The following MAPK10 variants were observed in gnomAD, a reference collection of about 807,000 sequenced individuals.
MAPK10 encodes the protein mitogen-activated protein kinase 10.
MAPK10 carries 25 observed loss-of-function variants against 59.3 expected under a neutral mutation model. That is an observed-to-expected ratio of 0.42 (90% confidence interval 0.31 to 0.59). The LOEUF is 0.59. Ranked by LOEUF, MAPK10 falls within the 20% of genes least tolerant of loss-of-function variation. MAPK10 has a pLI of 0.15. For missense variants in MAPK10, 351 were observed against 568.9 expected, an observed-to-expected ratio of 0.62 and a Z score of 3.90; for synonymous variants, 190 against 200.5, an observed-to-expected ratio of 0.95 and a Z score of 0.44.
chr4:86,474,998 A>G (rs574660621), intron 1 of MAPK10, among the ~76,000 whole-genome samples: 25 of 152,268 alleles, frequency 1.6e-4, no homozygotes, highest in African/African-American at 6.0e-4. Context: ...TCCTGGCTCA[A>G]AAAGCTCCCC....
intron 1 of MAPK10, among the ~76,000 whole-genome samples, chr4:86,452,742 C>T (rs1750870267): frequency 6.6e-6 from 1 of 152,136 alleles, no homozygotes; most frequent in Non-Finnish European, 1.5e-5. Context: ...AAGGAGAGAT[C>T]ATGGCGGACG....
In MAPK10 at chr4:86,503,592, A is replaced by C. The variant is rs561633325; in HGVS notation, c.-263+90318T>G. The stretch of plus-strand genomic sequence containing the variant: ...TCCATCCTCATCTTATTCAACCAAT[A>C]AGAAGCATTTGAGAATTAATCTGTA... On this transcript the variant is annotated intron_variant, in intron 1 of 4. Transcript: ENST00000502302. Among the ~76,000 whole-genome samples, 146 of 152,250 alleles carry C rather than the reference A, an allele frequency of 9.6e-4. 9 individuals are homozygous for C. In the South Asian group the frequency reaches 0.029, roughly 30 times the overall value.
chr4:86,481,857 T>C (rs1415026113), intron 1 of MAPK10, among the ~76,000 whole-genome samples: 1 of 152,200 alleles, frequency 6.6e-6, no homozygotes, highest in Non-Finnish European at 1.5e-5. Context: ...TCTATTTAAC[T>C]CTGGACTGCT....
rs183325032 is a variant in MAPK10 at position 86,133,241 on chromosome 4, T to A, written c.237-25889A>T. ...AAAATCATCTTCATGTGGAGACATA[T>A]TAAAAGAGTATGCAGCCAAAAGTAT... On this transcript the variant is annotated intron_variant, in intron 4 of 13. Coordinates refer to ENST00000641462, the MANE Select transcript of MAPK10 (RefSeq NM_138982.4). 2.2e-3 allele frequency among the ~76,000 whole-genome samples: 325 copies of A among 150,768 alleles called. 3 individuals carry two copies. Among genetic ancestry groups the A allele is most frequent in the African/African-American group, 7.5e-3 (301 of 40,070 alleles).
chr4:86,187,865 C>T (rs1256248896), intron 3 of MAPK10, among the ~76,000 whole-genome samples: 1 of 152,084 alleles, frequency 6.6e-6, no homozygotes, highest in Non-Finnish European at 1.5e-5. Flanking sequence ...GTTTGCTGCA[C>T]CCATCAATCT....
intron 9 of MAPK10, among the ~76,000 whole-genome samples, chr4:86,095,905 AAAAAGGAAACATTTTTTCT>A (rs1312520712): frequency 6.6e-6 from 1 of 151,888 alleles, no homozygotes; most frequent in Non-Finnish European, 1.5e-5. Context: ...AAACATTTTC[AAAAAGGAAACATTTTTTCT>A]AACCTATTTC....
chr4:86,171,319 G>A (rs1343230786), intron 3 of MAPK10, among the ~76,000 whole-genome samples: 1 of 152,126 alleles, frequency 6.6e-6, no homozygotes, highest in Non-Finnish European at 1.5e-5. Flanking sequence ...AAAATTGATA[G>A]ACTGCTAGCA....
intron 2 of MAPK10, among the ~76,000 whole-genome samples, chr4:86,231,625 T>C (rs2091556933): frequency 6.6e-6 from 1 of 151,548 alleles, no homozygotes; most frequent in African/African-American, 2.4e-5. Flanking sequence ...ATTGCGCCAC[T>C]GCACTCCAAC....
chr4:86,234,758 T>C (rs1276309756), intron 2 of MAPK10, among the ~76,000 whole-genome samples: 1 of 152,110 alleles, frequency 6.6e-6, no homozygotes, highest in East Asian at 1.9e-4. Flanking sequence ...GTTCTCAAAG[T>C]TTATAATAGT....
At chr4:86,055,454 C>T (rs1210962716) in intron 11 of MAPK10, among the ~76,000 whole-genome samples, 2 of 149,594 alleles carry the variant, frequency 1.3e-5, no homozygotes, top group Non-Finnish European at 3.0e-5. Flanking sequence ...AATTGATGTG[C>T]TTTATCAAGT....
intron 9 of MAPK10, among the ~76,000 whole-genome samples, chr4:86,077,845 G>A (rs2149023757): frequency 6.6e-6 from 1 of 152,274 alleles, no homozygotes; most frequent in East Asian, 1.9e-4. Context: ...CCAAACAGCT[G>A]TTTAGGCACA....
intron 2 of MAPK10, among the ~76,000 whole-genome samples, chr4:86,259,410 T>C (rs1054075528): frequency 3.3e-5 from 5 of 152,094 alleles, no homozygotes; most frequent in African/African-American, 7.2e-5. Context: ...ACTCACATGA[T>C]TGTAACCTAG....
At chr4:86,070,894 T>C (rs563068685) in intron 9 of MAPK10, among the ~76,000 whole-genome samples, 1 of 152,278 alleles carries the variant, frequency 6.6e-6, no homozygotes, top group African/African-American at 2.4e-5. Flanking sequence ...TATAGTCATT[T>C]GGGTATATAC....
intron 2 of MAPK10, among the ~76,000 whole-genome samples, chr4:86,272,281 C>T (rs964449045): frequency 2.6e-5 from 4 of 151,998 alleles, no homozygotes; most frequent in Non-Finnish European, 5.9e-5. Context: ...TGTGGCTTGC[C>T]TTTGCATCTT....
chr4:86,216,284 T>TAC (rs1192313352), intron 2 of MAPK10, among the ~76,000 whole-genome samples: 1 of 131,466 alleles, frequency 7.6e-6, no homozygotes, highest in Non-Finnish European at 1.6e-5. Context: ...CACACACACA[T>TAC]ATATATATAG....
At chr4:86,576,402 A>T (rs1209192492) in intron 1 of MAPK10, among the ~76,000 whole-genome samples, 1 of 152,162 alleles carries the variant, frequency 6.6e-6, no homozygotes, top group African/African-American at 2.4e-5. Flanking sequence ...TGGCAGGTAG[A>T]GTAGTTAATA....
intron 1 of MAPK10, among the ~76,000 whole-genome samples, chr4:86,421,696 GAATGGCT>G (rs1289695001): frequency 6.6e-6 from 1 of 152,194 alleles, no homozygotes; most frequent in African/African-American, 2.4e-5. Context: ...CGCTGGAGCA[GAATGGCT>G]GTGGGCAGAT....
At chr4:86,044,286 G>A (rs1006629660) in intron 11 of MAPK10, among the ~76,000 whole-genome samples, 7 of 152,006 alleles carry the variant, frequency 4.6e-5, no homozygotes, top group Admixed American at 3.3e-4. Context: ...GTTCAGCTAC[G>A]GCTGCACATT....
intron 1 of MAPK10, among the ~76,000 whole-genome samples, chr4:86,546,337 T>G (rs1267028976): frequency 4.0e-5 from 6 of 150,728 alleles, no homozygotes; most frequent in African/African-American, 1.2e-4. Flanking sequence ...CACCTGAGGT[T>G]AGGAGTTCGA....
Sources: allele counts gnomAD v4.1 joint callset (sites outside exome capture counted in the v4.1 genomes callset), GRCh38; gene constraint gnomAD v4.1.1; transcripts MANE v1.5; gene names NCBI Gene and HGNC (gene_info 2026-07-23, HGNC 2026-07-21).